SLC14A2: variants seen among roughly 807,000 people sequenced by gnomAD.
SLC14A2 encodes solute carrier family 14 member 2, also known as urea transporter 2.
A neutral mutation model predicts 104.6 loss-of-function variants in SLC14A2; 91 were observed. That is an observed-to-expected ratio of 0.87 (90% CI 0.73 to 1.04). The LOEUF is 1.04. SLC14A2 is among the 50% of genes least tolerant of loss of function. The pLI, the probability that SLC14A2 is intolerant of heterozygous loss-of-function variation, is 0.00. For missense variants in SLC14A2, 1,189 were observed against 1,156.0 expected (o/e 1.03, Z -0.41); for synonymous variants, 476 against 466.4 (o/e 1.02, Z -0.27).
At chr18:45,395,155 G>A (rs1242145224) in intron 1 of SLC14A2, among the ~76,000 whole-genome samples, 1 of 152,174 alleles carries the variant, frequency 6.6e-6, no homozygotes, top group Non-Finnish European at 1.5e-5. Context: ...TGGATGAATG[G>A]ATTTTTGGAA....
At chr18:45,184,562 T>C in the SLC14A2 span, among the ~76,000 whole-genome samples, 1 of 152,232 alleles carries the variant, frequency 6.6e-6, no homozygotes, top group South Asian at 2.1e-4. Flanking sequence ...GGATGAACCA[T>C]GTTAATTTAA....
intron 1 of SLC14A2, among the ~76,000 whole-genome samples, chr18:45,214,411 G>T (rs1393421942): frequency 6.6e-6 from 1 of 152,162 alleles, no homozygotes; most frequent in African/African-American, 2.4e-5. Context: ...GGAAAGCCCT[G>T]TGCTTTCATT....
At chr18:45,582,587 C>A (rs945150146) in intron 2 of SLC14A2, among the ~76,000 whole-genome samples, 1 of 152,154 alleles carries the variant, frequency 6.6e-6, no homozygotes, top group African/African-American at 2.4e-5. Context: ...AATAAACACA[C>A]ACAAACTTTA....
intron 1 of SLC14A2, among the ~76,000 whole-genome samples, chr18:45,377,950 T>C (rs1191769748): frequency 1.3e-5 from 2 of 152,204 alleles, no homozygotes; most frequent in African/African-American, 4.8e-5. Context: ...AATTCCCATT[T>C]CTGTGGCTTG....
intron 1 of SLC14A2, among the ~76,000 whole-genome samples, chr18:45,299,243 G>A (rs1445347035): frequency 6.6e-6 from 1 of 152,234 alleles, no homozygotes; most frequent in Non-Finnish European, 1.5e-5. Flanking sequence ...TCTTTTTAGA[G>A]AGTTCCAGCA....
intron 1 of SLC14A2, among the ~76,000 whole-genome samples, chr18:45,410,058 A>T (rs989948684): frequency 6.6e-6 from 1 of 152,174 alleles, no homozygotes; most frequent in Non-Finnish European, 1.5e-5. Flanking sequence ...TTAGATTCTC[A>T]TAAGGAGCAC....
At chr18:45,347,082 G>A (rs1176649493) in intron 1 of SLC14A2, among the ~76,000 whole-genome samples, 2 of 152,068 alleles carry the variant, frequency 1.3e-5, no homozygotes, top group African/African-American at 2.4e-5. Flanking sequence ...GTGGCCCTGC[G>A]TGGTGGCTCA....
chr18:45,398,928 T>C (rs2086065582), intron 1 of SLC14A2, among the ~76,000 whole-genome samples: 1 of 152,210 alleles, frequency 6.6e-6, no homozygotes, highest in Non-Finnish European at 1.5e-5. Context: ...CACAACAACG[T>C]ACACATACTT....
chr18:45,491,506 G>A (rs1704129295), intron 2 of SLC14A2, among the ~76,000 whole-genome samples: 1 of 152,188 alleles, frequency 6.6e-6, no homozygotes, highest in South Asian at 2.1e-4. Flanking sequence ...TAAAAAGGGT[G>A]CGATAGTACC....
At position 45,384,983 on chromosome 18, in the gene SLC14A2, A is replaced by G. The variant is rs118173881; in HGVS notation, c.-124-98250A>G. On this transcript the variant is annotated intron_variant, in intron 1 of 20. Coordinates refer to the SLC14A2 transcript ENST00000586448. ...AGCTTTTAAGCTTCTCCTGCCTTTT[A>G]TCATCGATGAGCTAAAACGCAGAAA... Among the ~76,000 whole-genome samples the G allele has an allele frequency of 5.6e-3, 859 of 152,338 alleles. 8 individuals are homozygous for G. Among genetic ancestry groups the G allele is most frequent in the Non-Finnish European group, 9.1e-3 (620 of 68,026 alleles).
intron 1 of SLC14A2, among the ~76,000 whole-genome samples, chr18:45,398,823 G>A (rs150672403): frequency 6.8e-4 from 104 of 152,274 alleles, no homozygotes; most frequent in African/African-American, 2.5e-3. Flanking sequence ...GAAGCTGGAA[G>A]TGTAGAGAGA....
chr18:45,469,627 T>C (rs1022294777), intron 1 of SLC14A2, among the ~76,000 whole-genome samples: 4 of 152,182 alleles, frequency 2.6e-5, no homozygotes, highest in Non-Finnish European at 5.9e-5. Flanking sequence ...GTATTAATTG[T>C]TTCCTGTGCC....
intron 10 of SLC14A2, among the ~76,000 whole-genome samples, chr18:45,658,856 T>C (rs1361632686): frequency 6.6e-6 from 1 of 152,126 alleles, no homozygotes; most frequent in African/African-American, 2.4e-5. Flanking sequence ...GGATCACTAC[T>C]CCCAAGGAAA....
At chr18:45,266,514 G>A (rs1023683217) in intron 1 of SLC14A2, among the ~76,000 whole-genome samples, 1 of 151,748 alleles carries the variant, frequency 6.6e-6, no homozygotes, top group African/African-American at 2.4e-5. Flanking sequence ...TGAGTGCATG[G>A]CCTCTTCATA....
the SLC14A2 span, among the ~76,000 whole-genome samples, chr18:45,190,174 C>T: frequency 5.3e-5 from 8 of 152,236 alleles, no homozygotes; most frequent in Non-Finnish European, 8.8e-5. Flanking sequence ...ACTTGGGAAC[C>T]GTTTGTTGAC....
the SLC14A2 span, among the ~76,000 whole-genome samples, chr18:45,188,513 C>T: frequency 2.6e-5 from 4 of 152,196 alleles, no homozygotes; most frequent in African/African-American, 9.7e-5. Flanking sequence ...CTACCCTTAT[C>T]TCTGTATTCC....
At chr18:45,229,000 A>C (rs2084147936) in intron 1 of SLC14A2, among the ~76,000 whole-genome samples, 2 of 152,168 alleles carry the variant, frequency 1.3e-5, no homozygotes, top group South Asian at 4.1e-4. Flanking sequence ...GAAATCCTGG[A>C]AACTGCCCAA....
Position 45,516,353 on chromosome 18 carries a change from C to G in SLC14A2, c.-35+33031C>G, listed in dbSNP as rs1208487126. Among the ~76,000 whole-genome samples the G allele has an allele frequency of 1.3e-5, 2 of 152,150 alleles. 1 individual carries two copies. Among genetic ancestry groups the G allele is most frequent in the East Asian group, 3.9e-4 (2 of 5,194 alleles). On this transcript the variant is annotated intron_variant, in intron 2 of 20. Coordinates refer to the SLC14A2 transcript ENST00000586448. ...GGTAACAGTTTGAAGACCTTGGTCC[C>G]CCTCCCAAATTTGCCGCTAAAATAA...
At chr18:45,290,590 A>C (rs2084859643) in intron 1 of SLC14A2, among the ~76,000 whole-genome samples, 1 of 152,206 alleles carries the variant, frequency 6.6e-6, no homozygotes, top group African/African-American at 2.4e-5. Context: ...CCATGTGACT[A>C]AGAACTTGAA....
Sources: gnomAD v4.1 joint callset for allele counts (sites outside exome capture counted in the v4.1 genomes callset) on GRCh38, gnomAD v4.1.1 for gene constraint, MANE v1.5 for transcripts, NCBI Gene and HGNC (gene_info 2026-07-23, HGNC 2026-07-21) for gene names.